ADGRL3: variants seen among roughly 807,000 people sequenced by gnomAD.
ADGRL3 encodes the protein calcium-independent alpha-latrotoxin receptor 3.
Under a neutral mutation model 153.5 loss-of-function variants are expected in ADGRL3, and 62 were observed. The ratio of observed to expected loss-of-function variants is 0.40; its 90% confidence interval spans 0.33 to 0.50. The LOEUF (loss-of-function observed/expected upper bound fraction) is 0.50. Ranked by LOEUF, ADGRL3 falls within the 20% of genes least tolerant of loss-of-function variation. The pLI is 0.47. For missense variants in ADGRL3, 1,641 were observed against 1,859.4 expected (o/e 0.88, Z 2.16); for synonymous variants, 710 against 672.5 (o/e 1.06, Z -0.86).
chr4:61,758,685 G>A (rs1298040203), intron 8 of ADGRL3, among the ~76,000 whole-genome samples: 2 of 152,116 alleles, frequency 1.3e-5, no homozygotes, highest in South Asian at 2.1e-4. Flanking sequence ...TTACATTTAA[G>A]GTTAATATTG....
At chr4:61,769,018 G>A (rs1474830145) in intron 8 of ADGRL3, among the ~76,000 whole-genome samples, 1 of 149,586 alleles carries the variant, frequency 6.7e-6, no homozygotes, top group Non-Finnish European at 1.5e-5. Flanking sequence ...AGGAAAGCGG[G>A]ACTTGCCGCT....
At chr4:61,544,701 T>G (rs1258097955) in intron 4 of ADGRL3, among the ~76,000 whole-genome samples, 2 of 152,242 alleles carry the variant, frequency 1.3e-5, no homozygotes, top group Non-Finnish European at 2.9e-5. Flanking sequence ...TTATATTTTA[T>G]GAGTTAGAAA....
chr4:61,316,734 C>T (rs1282229991), intron 1 of ADGRL3, among the ~76,000 whole-genome samples: 1 of 152,128 alleles, frequency 6.6e-6, no homozygotes, highest in African/African-American at 2.4e-5. Flanking sequence ...ACTGGCTATT[C>T]AGAAAATGAT....
intron 1 of ADGRL3, among the ~76,000 whole-genome samples, chr4:61,260,652 AC>A (rs1351192878): frequency 6.6e-6 from 1 of 152,204 alleles, no homozygotes; most frequent in Non-Finnish European, 1.5e-5. Context: ...TAGAAATTTG[AC>A]CGTCACTTGA....
intron 2 of ADGRL3, among the ~76,000 whole-genome samples, chr4:61,401,008 A>G (rs2152112406): frequency 6.6e-6 from 1 of 151,756 alleles, no homozygotes; most frequent in South Asian, 2.1e-4. Flanking sequence ...TCATTTTAAA[A>G]ATAATTATAG....
chr4:61,592,055 G>A (rs2098971644), intron 5 of ADGRL3, among the ~76,000 whole-genome samples: 1 of 132,368 alleles, frequency 7.6e-6, no homozygotes, highest in African/African-American at 2.9e-5. Flanking sequence ...TAGCCTGGGT[G>A]ACAGAATGAA....
chr4:61,675,347 A>C (rs529778369), intron 5 of ADGRL3, among the ~76,000 whole-genome samples: 2 of 151,896 alleles, frequency 1.3e-5, no homozygotes, highest in Non-Finnish European at 2.9e-5. Flanking sequence ...CATAAAACAC[A>C]GGGGATAATT....
At chr4:61,305,103 G>C (rs2094725875) in intron 1 of ADGRL3, among the ~76,000 whole-genome samples, 1 of 151,876 alleles carries the variant, frequency 6.6e-6, no homozygotes, top group Non-Finnish European at 1.5e-5. Flanking sequence ...TAAGCCTGGT[G>C]CCTTGCATAA....
intron 8 of ADGRL3, among the ~76,000 whole-genome samples, chr4:61,798,137 AT>A (rs978516223): frequency 6.6e-6 from 1 of 151,598 alleles, no homozygotes; most frequent in Admixed American, 6.6e-5. Flanking sequence ...TTCTGAAACA[AT>A]TTTTTTTTAC....
At chr4:61,766,483 C>T (rs181015636) in intron 8 of ADGRL3, among the ~76,000 whole-genome samples, 190 of 150,472 alleles carry the variant, frequency 1.3e-3, no homozygotes, top group Middle Eastern at 6.8e-3. Flanking sequence ...ATTCTGACCT[C>T]GCTAACCATG....
chr4:61,399,409 A>T (rs1019740680), intron 2 of ADGRL3, among the ~76,000 whole-genome samples: 1 of 151,760 alleles, frequency 6.6e-6, no homozygotes, highest in African/African-American at 2.4e-5. Context: ...ATAAAATTTG[A>T]AATGACAATT....
chr4:61,796,264 T>C (rs2097410451), intron 8 of ADGRL3, among the ~76,000 whole-genome samples: 1 of 152,182 alleles, frequency 6.6e-6, no homozygotes, highest in Non-Finnish European at 1.5e-5. Flanking sequence ...ATGGGGTCTC[T>C]TAGGGAAGGA....
chr4:61,894,779 C>T (rs972890729), intron 10 of ADGRL3, among the ~76,000 whole-genome samples: 1 of 152,304 alleles, frequency 6.6e-6, no homozygotes, highest in Middle Eastern at 3.4e-3. Flanking sequence ...ATAGCTTCCT[C>T]ACCATCACGC....
intron 2 of ADGRL3, among the ~76,000 whole-genome samples, chr4:61,492,777 T>C (rs939145963): frequency 6.6e-6 from 1 of 152,080 alleles, no homozygotes; most frequent in Non-Finnish European, 1.5e-5. Context: ...AAGTAGTTGA[T>C]GAGGGAAGAC....
intron 17 of ADGRL3, among the ~76,000 whole-genome samples, chr4:61,964,258 A>G (rs1455682807): frequency 2.6e-5 from 4 of 152,216 alleles, no homozygotes; most frequent in Non-Finnish European, 4.4e-5. Context: ...TAGGGATTGA[A>G]TAACAAAATC....
At chr4:61,642,265 T>G (rs2093716348) in intron 5 of ADGRL3, among the ~76,000 whole-genome samples, 1 of 152,148 alleles carries the variant, frequency 6.6e-6, no homozygotes, top group African/African-American at 2.4e-5. Context: ...GCAGTTTCTT[T>G]TGCTGTGCAG....
At chr4:61,557,470 A>G (rs1039521528) in intron 4 of ADGRL3, among the ~76,000 whole-genome samples, 4 of 152,226 alleles carry the variant, frequency 2.6e-5, no homozygotes, top group African/African-American at 9.6e-5. Context: ...TTTAGTAAAA[A>G]TAAAGCAGTA....
rs762880399 is a variant in ADGRL3 at position 61,909,561 on chromosome 4, T to C, written c.1889T>C (p.Leu630Ser). 7 of 1,609,056 alleles carry C rather than the reference T, an allele frequency of 4.4e-6. No homozygotes were observed. Among genetic ancestry groups the C allele is most frequent in the Non-Finnish European group, 5.9e-6 (7 of 1,177,682 alleles). Residue 630 changes from leucine to serine, a missense_variant and splice_region_variant, in exon 12 of 27, where the codon TTG becomes TCG. Leu to Ser is a moderately radical substitution (Grantham distance 145). This residue lies in a region of ADGRL3 where 734 missense variants were observed against 797.0 expected (regional missense o/e 0.92). Coordinates refer to ENST00000683033, the MANE Select transcript of ADGRL3 (RefSeq NM_001387552.1). ...SPWVNHITQK[L>S]KSGETAANIA... ...TTGTATTCCATTTAAAAATTATAGTTGAAATCTGGTGAAACAGCTGCCAAC... is the reference window on the plus strand; with the variant it reads ...TTGTATTCCATTTAAAAATTATAGTCGAAATCTGGTGAAACAGCTGCCAAC...
At chr4:61,668,751 G>T (rs2094890635) in intron 5 of ADGRL3, among the ~76,000 whole-genome samples, 1 of 152,122 alleles carries the variant, frequency 6.6e-6, no homozygotes, top group Admixed American at 6.6e-5. Context: ...TGGCACAGTG[G>T]CTCACGCTTG....
Sources: allele counts gnomAD v4.1 joint callset (sites outside exome capture counted in the v4.1 genomes callset), GRCh38; gene constraint gnomAD v4.1.1; regional missense constraint gnomAD v4.1.1; transcripts MANE v1.5; gene names NCBI Gene and HGNC (gene_info 2026-07-23, HGNC 2026-07-21).